SNTG1: variants seen among roughly 807,000 people sequenced by gnomAD.
SNTG1 encodes the protein gamma-1-syntrophin.
In SNTG1, 39 loss-of-function variants were observed where a neutral mutation model predicts 74.7. The ratio of observed to expected loss-of-function variants is 0.52; its 90% CI spans 0.40 to 0.68. SNTG1 has a LOEUF of 0.68. Among genes scored for constraint, SNTG1 ranks in the 30% least tolerant of loss-of-function variants. The probability of loss-of-function intolerance (pLI) is 0.00; values close to 1 mark genes in which losing one functional copy is unlikely to be tolerated. For synonymous variants in SNTG1, 254 were observed against 217.1 expected, an observed-to-expected ratio of 1.17 and a Z score of -1.49; for missense variants, 685 against 609.5, an observed-to-expected ratio of 1.12 and a Z score of -1.30.
intron 1 of SNTG1, among the ~76,000 whole-genome samples, chr8:50,089,333 G>T (rs940235297): frequency 6.7e-6 from 1 of 150,372 alleles, no homozygotes. Flanking sequence ...TACCATTCAG[G>T]ACATAGGCAT....
intron 18 of SNTG1, among the ~76,000 whole-genome samples, chr8:50,789,473 CTTCTA>C (rs1341249488): frequency 2.6e-5 from 4 of 151,966 alleles, no homozygotes; most frequent in Non-Finnish European, 5.9e-5. Flanking sequence ...AGAAGCTGAA[CTTCTA>C]TTCTGAACTC....
At chr8:50,644,833 G>A (rs1209159094) in intron 13 of SNTG1, among the ~76,000 whole-genome samples, 1 of 151,948 alleles carries the variant, frequency 6.6e-6, no homozygotes, top group East Asian at 1.9e-4. Context: ...AGGCCTCCTT[G>A]GCAAATAATT....
chr8:50,668,180 T>C (rs2095259785), intron 15 of SNTG1, among the ~76,000 whole-genome samples: 1 of 152,046 alleles, frequency 6.6e-6, no homozygotes, highest in African/African-American at 2.4e-5. Context: ...TTTTTATTTT[T>C]GTTATCTAAT....
intron 1 of SNTG1, among the ~76,000 whole-genome samples, chr8:50,118,096 GATA>G (rs2080883734): frequency 2.0e-5 from 3 of 152,226 alleles, no homozygotes; most frequent in Admixed American, 2.0e-4. Context: ...CAATCTATTT[GATA>G]ATAAAAAATA....
At position 50,501,611 on chromosome 8, in the gene SNTG1, A is replaced by AT. The variant is rs57220646; in HGVS notation, c.364-1149dup. Among the ~76,000 whole-genome samples the AT allele has an allele frequency of 1.2e-3, 165 of 134,204 alleles. 1 individual carries two copies. Among genetic ancestry groups the AT allele is most frequent in the Non-Finnish European group, 2.1e-3 (129 of 60,230 alleles). 88.0% of individuals were successfully genotyped at this position (134,204 alleles called of 152,430 possible). ...CCACGAAGACCGGTTATTTTTTTTT[A>AT]TTTTTTTTTTTTTTTTTTGTATTTT... On this transcript the variant is annotated intron_variant, in intron 8 of 18. Transcript: ENST00000642720.
At chr8:50,685,346 T>C (rs1366833215) in intron 15 of SNTG1, among the ~76,000 whole-genome samples, 2 of 152,182 alleles carry the variant, frequency 1.3e-5, no homozygotes, top group Non-Finnish European at 2.9e-5. Flanking sequence ...AATAATGGTG[T>C]CCAGGAGTTT....
intron 1 of SNTG1, among the ~76,000 whole-genome samples, chr8:49,921,843 G>C (rs1173443249): frequency 6.6e-6 from 1 of 152,018 alleles, no homozygotes; most frequent in Non-Finnish European, 1.5e-5. Context: ...ACATAAAATA[G>C]TCAATAGTTG....
intron 12 of SNTG1, among the ~76,000 whole-genome samples, chr8:50,560,822 A>G (rs144077208): frequency 6.6e-6 from 1 of 152,290 alleles, no homozygotes; most frequent in Admixed American, 6.5e-5. Context: ...GCACATGTTT[A>G]TCTGTGTAAC....
At chr8:49,968,076 G>GTT (rs113291732) in intron 1 of SNTG1, among the ~76,000 whole-genome samples, 1 of 149,976 alleles carries the variant, frequency 6.7e-6, no homozygotes, top group African/African-American at 2.4e-5. Context: ...AACAGTCTTT[G>GTT]TTTTTTTTTC....
chr8:50,275,018 G>A (rs749379923), intron 2 of SNTG1, among the ~76,000 whole-genome samples: 1 of 152,074 alleles, frequency 6.6e-6, no homozygotes, highest in African/African-American at 2.4e-5. Context: ...AAATTATGCT[G>A]CAGTTTTCCT....
Position 50,084,139 on chromosome 8 carries a change from A to C in SNTG1, c.-102-88422A>C, listed in dbSNP as rs557450153. ...TCATGTCGGGGGAAATGTTGTGCTA[A>C]ATAGTGTATGCTAGAAAATATTTAA... On this transcript the variant is annotated intron_variant, in intron 1 of 18. Coordinates refer to ENST00000642720, the MANE Select transcript of SNTG1 (RefSeq NM_018967.5). 2.6e-3 allele frequency among the ~76,000 whole-genome samples: 391 copies of C among 152,268 alleles called. 1 individual carries two copies. Among genetic ancestry groups the C allele is most frequent in the African/African-American group, 8.8e-3 (367 of 41,560 alleles).
intron 1 of SNTG1, among the ~76,000 whole-genome samples, chr8:50,104,550 G>T (rs1282262984): frequency 1.3e-5 from 2 of 151,842 alleles, no homozygotes; most frequent in African/African-American, 2.4e-5. Flanking sequence ...GTTTTTTTGT[G>T]TCTCTATTTC....
chr8:50,566,394 G>T (rs1176357531), intron 12 of SNTG1, among the ~76,000 whole-genome samples: 1 of 151,956 alleles, frequency 6.6e-6, no homozygotes, highest in Non-Finnish European at 1.5e-5. Context: ...TGACAAATGG[G>T]TCAAATTTTG....
intron 12 of SNTG1, among the ~76,000 whole-genome samples, chr8:50,554,649 G>A (rs917679522): frequency 4.0e-5 from 6 of 151,770 alleles, no homozygotes; most frequent in Non-Finnish European, 8.8e-5. Flanking sequence ...TAGAGTTGAG[G>A]TTGCACAAGA....
rs16914366 is a variant in SNTG1, at chr8:50,171,952, G to C, written c.-102-609G>C. On this transcript the variant is annotated intron_variant, in intron 1 of 18. Coordinates refer to ENST00000642720, the MANE Select transcript of SNTG1 (RefSeq NM_018967.5). ...AAAGTATGGTATTTTCAAAACTACAGTTGAGTTCATGAGGGGCCAAGTAAC... is the reference window on the plus strand; with the variant it reads ...AAAGTATGGTATTTTCAAAACTACACTTGAGTTCATGAGGGGCCAAGTAAC... 9.0e-3 allele frequency among the ~76,000 whole-genome samples: 1,373 copies of C among 152,200 alleles called. 23 individuals are homozygous for C. The highest frequency in any genetic ancestry group is 0.032 in the African/African-American group (1,320 of 41,518).
intron 12 of SNTG1, among the ~76,000 whole-genome samples, chr8:50,573,383 T>TA (rs1416435592): frequency 6.6e-6 from 1 of 151,986 alleles, no homozygotes; most frequent in East Asian, 1.9e-4. Flanking sequence ...AGATCTTTAT[T>TA]AAAATCAGTT....
intron 12 of SNTG1, among the ~76,000 whole-genome samples, chr8:50,567,176 C>A (rs1401320125): frequency 6.6e-6 from 1 of 151,966 alleles, no homozygotes; most frequent in Non-Finnish European, 1.5e-5. Context: ...ATGATCTTTG[C>A]CAAGTGATAC....
chr8:49,919,523 G>C (rs79110889), intron 1 of SNTG1, among the ~76,000 whole-genome samples: 4 of 152,052 alleles, frequency 2.6e-5, no homozygotes, highest in Admixed American at 2.0e-4. Context: ...GCAAAAGTGG[G>C]CTCATTGGCT....
intron 2 of SNTG1, among the ~76,000 whole-genome samples, chr8:50,233,006 T>A (rs1186328018): frequency 6.6e-6 from 1 of 151,620 alleles, no homozygotes; most frequent in Non-Finnish European, 1.5e-5. Context: ...ATACATAAGT[T>A]TAATGAAATT....
Sources: allele counts gnomAD v4.1 joint callset (sites outside exome capture counted in the v4.1 genomes callset), GRCh38; gene constraint gnomAD v4.1.1; transcripts MANE v1.5; gene names NCBI Gene and HGNC (gene_info 2026-07-23, HGNC 2026-07-21).